The following MCF2L2 variants were observed in gnomAD, a reference collection of about 807,000 sequenced individuals.
MCF2L2 encodes the protein MCF.2 cell line derived transforming sequence-like 2.
MCF2L2 carries 102 observed loss-of-function variants against 150.2 expected under a neutral mutation model. That is an observed-to-expected ratio of 0.68 (90% CI 0.58 to 0.80). MCF2L2 has a LOEUF of 0.80. Ranked by LOEUF, MCF2L2 falls within the 30% of genes least tolerant of loss-of-function variation. The pLI, the probability that MCF2L2 is intolerant of heterozygous loss-of-function variation, is 0.00. For synonymous variants in MCF2L2, 465 were observed against 491.3 expected (o/e 0.95, Z 0.71); for missense variants, 1,256 against 1,372.8 (o/e 0.91, Z 1.34).
chr3:183,207,370 A>C (rs1191760776), intron 23 of MCF2L2, among the ~76,000 whole-genome samples: 1 of 152,170 alleles, frequency 6.6e-6, no homozygotes, highest in Non-Finnish European at 1.5e-5. Context: ...GTTTGTCCAG[A>C]CTGGCTGCCA....
chr3:183,336,665 T>C (rs1730493621), intron 5 of MCF2L2, among the ~76,000 whole-genome samples: 1 of 149,284 alleles, frequency 6.7e-6, no homozygotes, highest in South Asian at 2.3e-4. Flanking sequence ...CTGGCCAACA[T>C]GGCTGGTCTC....
At chr3:183,284,737 C>T (rs115480056) in intron 14 of MCF2L2, among the ~76,000 whole-genome samples, 4,211 of 151,808 alleles carry the variant, frequency 0.028, 194 homozygotes, top group African/African-American at 0.096. Flanking sequence ...CAGGACCCGA[C>T]CCTACACCTC....
At chr3:183,386,362 C>T (rs1713830605) in intron 2 of MCF2L2, among the ~76,000 whole-genome samples, 1 of 152,230 alleles carries the variant, frequency 6.6e-6, no homozygotes, top group Non-Finnish European at 1.5e-5. Flanking sequence ...GAGGCCCCAG[C>T]CCTGGTCAAT....
intron 3 of MCF2L2, among the ~76,000 whole-genome samples, chr3:183,350,002 T>C (rs1731049577): frequency 6.6e-6 from 1 of 152,204 alleles, no homozygotes; most frequent in South Asian, 2.1e-4. Context: ...CAGGCTATTC[T>C]TTCACCTATG....
At chr3:183,287,350 T>C (rs1461571888) in intron 14 of MCF2L2, 1 of 151,836 alleles carries the variant, frequency 6.6e-6, no homozygotes, top group African/African-American at 2.4e-5. Flanking sequence ...AGGAAGTGAG[T>C]TCACATCACG....
chr3:183,351,213 TA>T (rs1560034901), intron 3 of MCF2L2, among the ~76,000 whole-genome samples: 14 of 83,628 alleles, frequency 1.7e-4, no homozygotes, highest in East Asian at 1.3e-3. Flanking sequence ...TATATATATA[TA>T]TATATATATA....
chr3:183,355,720 C>A (rs763531154), intron 3 of MCF2L2, among the ~76,000 whole-genome samples: 2 of 151,236 alleles, frequency 1.3e-5, no homozygotes, highest in Non-Finnish European at 1.5e-5. Flanking sequence ...CCTGCCTCGG[C>A]CTCCCAAAGT....
intron 18 of MCF2L2, 84 bp downstream of exon 18, chr3:183,228,213 G>T: frequency 3.2e-6 from 3 of 951,482 alleles, no homozygotes; most frequent in Non-Finnish European, 5.1e-6. Context: ...TTAGACCATT[G>T]ATGTTTCCAT....
intron 1 of MCF2L2, among the ~76,000 whole-genome samples, chr3:183,409,873 T>G (rs187681108): frequency 1.3e-5 from 2 of 150,828 alleles, no homozygotes; most frequent in East Asian, 3.9e-4. Context: ...TCATTTTAAA[T>G]GTTATTTCCA....
At chr3:183,250,715 G>A (rs1724480128) in intron 15 of MCF2L2, among the ~76,000 whole-genome samples, 1 of 152,214 alleles carries the variant, frequency 6.6e-6, no homozygotes, top group South Asian at 2.1e-4. Flanking sequence ...AGGTGGCCGG[G>A]GGGCAGAGAA....
At chr3:183,310,671 A>G in intron 9 of MCF2L2, 1 of 461,076 alleles carries the variant, frequency 2.2e-6, no homozygotes, top group Non-Finnish European at 3.9e-6. Flanking sequence ...TCAAAAAAAA[A>G]AGGAAGATAA....
chr3:183,221,849 C>T (rs1239113615), intron 20 of MCF2L2, among the ~76,000 whole-genome samples: 2 of 152,068 alleles, frequency 1.3e-5, no homozygotes, highest in Non-Finnish European at 2.9e-5. Context: ...TGTGCCAAGC[C>T]CTCCGCATGT....
At chr3:183,206,083 A>G in intron 24 of MCF2L2, 39 bp downstream of exon 24, 1 of 1,585,624 alleles carries the variant, frequency 6.3e-7, no homozygotes, top group Non-Finnish European at 8.7e-7. Context: ...ACAATAAGGA[A>G]AGAGTAGAGG....
At chr3:183,273,121 C>G (rs1726926450) in intron 15 of MCF2L2, 1 of 903,228 alleles carries the variant, frequency 1.1e-6, no homozygotes, top group Non-Finnish European at 1.6e-6. Context: ...TTTTGGTGCT[C>G]CAGTGTAGGG....
At chr3:183,187,651 T>G (rs1032858229) in intron 27 of MCF2L2, among the ~76,000 whole-genome samples, 4 of 151,954 alleles carry the variant, frequency 2.6e-5, no homozygotes, top group Non-Finnish European at 5.9e-5. Flanking sequence ...GTATTTTTAG[T>G]AGAGACGGGG....
intron 1 of MCF2L2, among the ~76,000 whole-genome samples, chr3:183,393,671 C>T (rs1440630900): frequency 2.6e-5 from 4 of 152,192 alleles, no homozygotes; most frequent in South Asian, 2.1e-4. Flanking sequence ...GAAATACAGA[C>T]GGTATCAAAG....
chr3:183,265,161 T>C (rs1459573306), intron 15 of MCF2L2: 1 of 152,252 alleles, frequency 6.6e-6, no homozygotes, highest in African/African-American at 2.4e-5. Context: ...CATCCCTGAT[T>C]TGCAGATTAA....
chr3:183,379,318 G>A lies in MCF2L2; in HGVS notation c.254C>T (p.Thr85Ile). 1 of 1,610,964 alleles carries A rather than the reference G, an allele frequency of 6.2e-7. No homozygotes were observed. The highest frequency in any genetic ancestry group is 8.5e-7 in the Non-Finnish European group (1 of 1,178,714). ...TCACCTGGGGATGCTAGTCAGGTAG[G>A]TCATGACATTCAGGAAGTCTTCATC... ...IPDEDFLNVM[T>I]YLTSIPSVEA... is the part of the protein sequence containing the mutation. Residue 85 changes from threonine to isoleucine, a missense_variant, in exon 3 of 30, where the codon ACC (threonine) becomes ATC (isoleucine). Physicochemically the swap from Thr to Ile is moderately conservative, Grantham distance 89 (BLOSUM62 -1). Coordinates refer to ENST00000328913, the MANE Select transcript of MCF2L2 (RefSeq NM_015078.4).
chr3:183,252,318 C>G (rs1464488053), intron 15 of MCF2L2, among the ~76,000 whole-genome samples: 1 of 152,106 alleles, frequency 6.6e-6, no homozygotes, highest in Non-Finnish European at 1.5e-5. Context: ...GACTCCTTTG[C>G]AAATCACACA....
Sources: gnomAD v4.1 joint callset for allele counts (sites outside exome capture counted in the v4.1 genomes callset) on GRCh38, gnomAD v4.1.1 for gene constraint, MANE v1.5 for transcripts, NCBI Gene and HGNC (gene_info 2026-07-23, HGNC 2026-07-21) for gene names.